FBXO34: variants seen among roughly 807,000 people sequenced by gnomAD.
FBXO34 encodes F-box protein 34.
Under a neutral mutation model 24.5 loss-of-function variants are expected in FBXO34, and 12 were observed. The ratio of observed to expected loss-of-function variants is 0.49; its 90% CI spans 0.31 to 0.79. The LOEUF is 0.79. Ranked by LOEUF, FBXO34 falls within the 30% of genes least tolerant of loss-of-function variation. The pLI is 0.04. For synonymous variants in FBXO34, 320 were observed against 311.9 expected (o/e 1.03, Z -0.27); for missense variants, 823 against 857.7 (o/e 0.96, Z 0.51).
chr14:55,304,059 GT>G lies in FBXO34; in HGVS notation c.-11+32524del, dbSNP rs544368566. 2.1e-3 allele frequency among the ~76,000 whole-genome samples: 325 copies of G among 152,294 alleles called. 2 individuals are homozygous for G. Among genetic ancestry groups the G allele is most frequent in the African/African-American group, 7.5e-3 (310 of 41,558 alleles). On this transcript the variant is annotated intron_variant, in intron 1 of 1. Coordinates refer to ENST00000313833, the MANE Select transcript of FBXO34 (RefSeq NM_017943.4). ...GAATAGTGTTTGGATTTATTGCTTA[GT>G]TACAGTGACATGTGTGCGGTTAAAG...
the FBXO34 span, among the ~76,000 whole-genome samples, chr14:55,434,169 T>A: frequency 6.6e-6 from 1 of 152,218 alleles, no homozygotes; most frequent in Non-Finnish European, 1.5e-5. Flanking sequence ...TGTTAAAGGC[T>A]CACCAAGACT....
chr14:55,304,344 T>C (rs554249302), intron 1 of FBXO34, among the ~76,000 whole-genome samples: 46 of 152,288 alleles, frequency 3.0e-4, no homozygotes, highest in African/African-American at 9.4e-4. Context: ...TCTTTCTCTT[T>C]TACTTTTTTT....
At chr14:55,360,291 T>C (rs1483886418) in intron 3 of FBXO34, among the ~76,000 whole-genome samples, 1 of 152,126 alleles carries the variant, frequency 6.6e-6, no homozygotes, top group Non-Finnish European at 1.5e-5. Context: ...CAGGCTGGTC[T>C]TGAACTCCTG....
the FBXO34 span, among the ~76,000 whole-genome samples, chr14:55,392,416 G>A: frequency 2.0e-5 from 3 of 152,078 alleles, no homozygotes; most frequent in Non-Finnish European, 4.4e-5. Context: ...GGGAAGCTGA[G>A]GCAGGCACAT....
intron 1 of FBXO34, chr14:55,318,170 T>C (rs1317327361): frequency 1.3e-5 from 2 of 151,878 alleles, no homozygotes; most frequent in Non-Finnish European, 2.9e-5. Context: ...TTTATGTCTT[T>C]ACATTTCCCT....
At chr14:55,363,719 TG>T (rs1884623988), downstream of FBXO34, among the ~76,000 whole-genome samples, 2 of 152,160 alleles carry the variant, frequency 1.3e-5, no homozygotes, top group African/African-American at 4.8e-5. Flanking sequence ...AACACAAATT[TG>T]TAAACTTCTT....
At chr14:55,324,205 T>C (rs1404829721) in intron 1 of FBXO34, among the ~76,000 whole-genome samples, 1 of 152,228 alleles carries the variant, frequency 6.6e-6, no homozygotes, top group African/African-American at 2.4e-5. Flanking sequence ...CTTTTGTTTC[T>C]GGCTTCTTTC....
At chr14:55,369,832 C>T (rs1217995328), downstream of FBXO34, 1 of 1,614,200 alleles carries the variant, frequency 6.2e-7, no homozygotes, top group Admixed American at 1.7e-5. Flanking sequence ...CGCTGACGCG[C>T]TCATCTCCGC....
downstream of FBXO34, among the ~76,000 whole-genome samples, chr14:55,362,564 C>G: frequency 6.6e-6 from 1 of 152,192 alleles, no homozygotes; most frequent in East Asian, 1.9e-4. Flanking sequence ...TGTAAAATGT[C>G]TCAAAGGAGT....
At chr14:55,287,500 A>T (rs1881801905) in intron 1 of FBXO34, among the ~76,000 whole-genome samples, 1 of 152,234 alleles carries the variant, frequency 6.6e-6, no homozygotes, top group African/African-American at 2.4e-5. Flanking sequence ...TAATGTGTTC[A>T]GGGTAACTAA....
At chr14:55,416,759 T>C in the FBXO34 span, among the ~76,000 whole-genome samples, 1 of 152,192 alleles carries the variant, frequency 6.6e-6, no homozygotes, top group Non-Finnish European at 1.5e-5. Context: ...TGAACAACCT[T>C]GTTAGCAGAC....
At chr14:55,435,836 A>C in the FBXO34 span, 1 of 1,534,536 alleles carries the variant, frequency 6.5e-7, no homozygotes, top group Non-Finnish European at 8.8e-7. Flanking sequence ...AGGAATACTG[A>C]GAAATGTTAC....
chr14:55,316,359 G>C (rs1225719340), intron 1 of FBXO34, among the ~76,000 whole-genome samples: 1 of 151,822 alleles, frequency 6.6e-6, no homozygotes, highest in African/African-American at 2.4e-5. Flanking sequence ...GGCCAAGGTA[G>C]GTCTATTGCT....
At chr14:55,403,648 C>T in the FBXO34 span, among the ~76,000 whole-genome samples, 1 of 151,790 alleles carries the variant, frequency 6.6e-6, no homozygotes, top group Non-Finnish European at 1.5e-5. Flanking sequence ...CATGAAAAGA[C>T]GTTTAGGTAT....
At chr14:55,406,400 G>C in the FBXO34 span, among the ~76,000 whole-genome samples, 1 of 152,232 alleles carries the variant, frequency 6.6e-6, no homozygotes, top group Non-Finnish European at 1.5e-5. Context: ...TACAGTTAGT[G>C]AGGGGCTTTT....
the FBXO34 span, among the ~76,000 whole-genome samples, chr14:55,389,084 G>A: frequency 6.6e-6 from 1 of 152,304 alleles, no homozygotes; most frequent in South Asian, 2.1e-4. Context: ...ATTTGCTAGG[G>A]ATGGAAACCA....
the FBXO34 span, among the ~76,000 whole-genome samples, chr14:55,423,736 C>T: frequency 1.3e-5 from 2 of 152,196 alleles, no homozygotes; most frequent in Non-Finnish European, 2.9e-5. Flanking sequence ...TTTCACACTA[C>T]GATGGCAGTG....
rs1566555729 is a variant in FBXO34 at position 55,323,190 on chromosome 14, A to T, written c.-10-27191A>T. Among the ~76,000 whole-genome samples, 115 of 29,686 alleles carry T rather than the reference A, an allele frequency of 3.9e-3. 23 individuals are homozygous for T. The highest frequency in any genetic ancestry group is 7.6e-3 in the African/African-American group (15 of 1,974). 19.5% of individuals were successfully genotyped at this position (29,686 alleles called of 152,430 possible). On this transcript the variant is annotated intron_variant, in intron 1 of 1. Coordinates refer to ENST00000313833, the MANE Select transcript of FBXO34 (RefSeq NM_017943.4). ...ACAGAGTGAGACTCTGTCTCAAAAA[A>T]AAAAAAAAAAAAAAAAAAAAAAAAA...
intron 1 of FBXO34, among the ~76,000 whole-genome samples, chr14:55,280,521 C>T (rs1322919033): frequency 7.5e-6 from 1 of 132,486 alleles, no homozygotes; most frequent in Non-Finnish European, 1.6e-5. Context: ...CATTTTATAT[C>T]AGGAACTTTT....
Sources: gnomAD v4.1 joint callset for allele counts (sites outside exome capture counted in the v4.1 genomes callset) on GRCh38, gnomAD v4.1.1 for gene constraint, MANE v1.5 for transcripts, NCBI Gene and HGNC (gene_info 2026-07-23, HGNC 2026-07-21) for gene names.